Variants in HSD17B4 observed in about 807,000 individuals in gnomAD.
HSD17B4 encodes the protein peroxisomal multifunctional enzyme type 2.
HSD17B4 carries 70 observed loss-of-function variants against 101.0 expected under a neutral mutation model. The ratio of observed to expected loss-of-function variants is 0.69; its 90% confidence interval spans 0.57 to 0.85. The LOEUF is 0.85. Ranked by LOEUF, HSD17B4 falls within the 40% of genes least tolerant of loss-of-function variation. The pLI, the probability that HSD17B4 is intolerant of heterozygous loss-of-function variation, is 0.00. For synonymous variants in HSD17B4, 347 were observed against 297.1 expected, an observed-to-expected ratio of 1.17 and a Z score of -1.73; for missense variants, 984 against 892.4, an observed-to-expected ratio of 1.10 and a Z score of -1.31.
At chr5:119,507,352 G>A (rs926173505) in intron 15 of HSD17B4, among the ~76,000 whole-genome samples, 13 of 152,140 alleles carry the variant, frequency 8.5e-5, no homozygotes, top group African/African-American at 3.1e-4. Flanking sequence ...GCTTTTATAA[G>A]TTTCTAGACT....
intron 8 of HSD17B4, among the ~76,000 whole-genome samples, chr5:119,485,237 C>G (rs538777405): frequency 6.6e-6 from 1 of 151,980 alleles, no homozygotes; most frequent in Non-Finnish European, 1.5e-5. Flanking sequence ...TTTGGGAAGC[C>G]GTACGTTTTC....
chr5:119,506,554 A>G (rs956585946), intron 14 of HSD17B4, among the ~76,000 whole-genome samples: 19 of 152,176 alleles, frequency 1.2e-4, no homozygotes, highest in Non-Finnish European at 2.5e-4. Flanking sequence ...GCTGGGTCAA[A>G]TGGTATTTCT....
At chr5:119,480,930 G>T (rs1487037050) in intron 8 of HSD17B4, among the ~76,000 whole-genome samples, 1 of 152,168 alleles carries the variant, frequency 6.6e-6, no homozygotes, top group Non-Finnish European at 1.5e-5. Context: ...GCTCTGTTCT[G>T]CTCGGCTCAC....
intron 8 of HSD17B4, among the ~76,000 whole-genome samples, chr5:119,486,292 C>G (rs1296210113): frequency 6.6e-6 from 1 of 152,132 alleles, no homozygotes; most frequent in African/African-American, 2.4e-5. Flanking sequence ...AAAAGGACTA[C>G]AAAAAGGGAT....
intron 6 of HSD17B4, 47 bp downstream of exon 6, chr5:119,475,917 G>T (rs1436041915): frequency 7.4e-7 from 1 of 1,357,720 alleles, no homozygotes; most frequent in Non-Finnish European, 1.1e-6. Flanking sequence ...TATCCATTTA[G>T]CCTTTTTAGT....
In HSD17B4 at chr5:119,509,276, T is replaced by A. The variant is rs948781070; in HGVS notation, c.1437+32T>A. The A allele has an allele frequency of 4.1e-6, 5 of 1,229,436 alleles. No homozygotes were observed. In the African/African-American group the frequency reaches 7.4e-5, roughly 18 times the overall value. The allele number at this position is 1,229,436 out of a possible 1,614,324, so 76.2% of individuals were successfully genotyped here. A position where few individuals can be genotyped will look rare whatever the true frequency, so the allele number is the denominator to read the frequency against. ...CATGACTTTGTAAGCAAAATATATG[T>A]GTAGTTAAGGATTCTTACCTATACA... is the stretch of plus-strand genomic sequence containing the variant. On this transcript the variant is annotated intron_variant, in intron 16 of 23. Transcript: ENST00000510025.
At chr5:119,494,970 CTT>C (rs1050891483) in intron 11 of HSD17B4, among the ~76,000 whole-genome samples, 1 of 151,352 alleles carries the variant, frequency 6.6e-6, no homozygotes, top group East Asian at 1.9e-4. Flanking sequence ...TGTAGAAAAA[CTT>C]TTTTTTCTCA....
At position 119,541,954 on chromosome 5, in the gene HSD17B4, A is replaced by G; in HGVS notation, c.2171A>G (p.Gln724Arg). 1 of 1,613,262 alleles carries G rather than the reference A, an allele frequency of 6.2e-7. No homozygotes were observed. Among genetic ancestry groups the G allele is most frequent in the Non-Finnish European group, 8.5e-7 (1 of 1,179,440 alleles). Residue 724 changes from glutamine (Q) to arginine (R), a missense_variant, in exon 24 of 24, where the codon CAG becomes CGG. Coordinates refer to ENST00000510025, the MANE Select transcript of HSD17B4 (RefSeq NM_000414.4). ...GCCAGAGGGAACATCATGCTGAGCC[A>G]GAAACTTCAGATGATTCTTAAAGAC... is the stretch of plus-strand genomic sequence containing the variant. ...LKARGNIMLS[Q>R]KLQMILKDYA...
At chr5:119,484,582 A>G (rs779171074) in intron 8 of HSD17B4, among the ~76,000 whole-genome samples, 5 of 152,194 alleles carry the variant, frequency 3.3e-5, no homozygotes, top group Non-Finnish European at 5.9e-5. Flanking sequence ...ATTTCTGAAA[A>G]GAAAATCTAC....
At chr5:119,485,857 T>G (rs1350552474) in intron 8 of HSD17B4, among the ~76,000 whole-genome samples, 1 of 152,192 alleles carries the variant, frequency 6.6e-6, no homozygotes, top group Non-Finnish European at 1.5e-5. Context: ...ACTCTAAAAC[T>G]TAGTGGATTA....
rs141688205 is a variant in HSD17B4 at position 119,482,858 on chromosome 5, C to T, written c.622+3837C>T. ...TTAAATCTCCATTTTTTGAGTGGGT[C>T]AGAGTCCTGGGTTGGGACCTTCAGA... is the stretch of plus-strand genomic sequence containing the variant. On this transcript the variant is annotated intron_variant, in intron 8 of 23. Transcript: ENST00000510025. Among the ~76,000 whole-genome samples the T allele has an allele frequency of 7.2e-4, 109 of 151,036 alleles. 2 individuals are homozygous for T. The East Asian group carries it at 0.018, about 25-fold the overall frequency.
intron 8 of HSD17B4, among the ~76,000 whole-genome samples, chr5:119,488,213 C>T (rs1317175953): frequency 6.6e-6 from 1 of 152,068 alleles, no homozygotes; most frequent in Non-Finnish European, 1.5e-5. Flanking sequence ...GATGAAGATA[C>T]AGGCCCAGGG....
At chr5:119,510,950 C>G (rs1752113659) in intron 16 of HSD17B4, among the ~76,000 whole-genome samples, 1 of 152,200 alleles carries the variant, frequency 6.6e-6, no homozygotes, top group Admixed American at 6.5e-5. Flanking sequence ...CCAGCCCCCA[C>G]TTACAGAGTG....
intron 20 of HSD17B4, among the ~76,000 whole-genome samples, chr5:119,529,635 T>C (rs1244116158): frequency 1.3e-5 from 2 of 152,130 alleles, no homozygotes; most frequent in Non-Finnish European, 2.9e-5. Context: ...TGGGACCTCA[T>C]AGGGTTTCTT....
chr5:119,464,381 G>T (rs1250910242), intron 2 of HSD17B4, among the ~76,000 whole-genome samples: 1 of 151,918 alleles, frequency 6.6e-6, no homozygotes, highest in East Asian at 1.9e-4. Flanking sequence ...GAGAGGTAGG[G>T]GTCTATTTTC....
At chr5:119,485,557 A>G (rs1303859188) in intron 8 of HSD17B4, among the ~76,000 whole-genome samples, 2 of 151,904 alleles carry the variant, frequency 1.3e-5, no homozygotes, top group Non-Finnish European at 2.9e-5. Context: ...TTACTCTTTT[A>G]TAGTTTAGAA....
At chr5:119,484,800 G>A (rs1250098085) in intron 8 of HSD17B4, among the ~76,000 whole-genome samples, 1 of 152,014 alleles carries the variant, frequency 6.6e-6, no homozygotes, top group East Asian at 1.9e-4. Flanking sequence ...ATTTTCTTTA[G>A]TGTAGAATAC....
At chr5:119,476,444 C>T in intron 6 of HSD17B4, 1 of 408,286 alleles carries the variant, frequency 2.4e-6, no homozygotes, top group Non-Finnish European at 3.3e-6. Context: ...TTTCATTGGC[C>T]ATCAGAACTA....
intron 7 of HSD17B4, chr5:119,478,261 T>C (rs1748781108): frequency 6.4e-6 from 1 of 155,182 alleles, no homozygotes; most frequent in Non-Finnish European, 1.4e-5. Flanking sequence ...TGCACTCTAG[T>C]GCTGAGGTCA....
Sources: allele counts gnomAD v4.1 joint callset (sites outside exome capture counted in the v4.1 genomes callset), GRCh38; gene constraint gnomAD v4.1.1; transcripts MANE v1.5; gene names NCBI Gene and HGNC (gene_info 2026-07-23, HGNC 2026-07-21).